Variants in DEAF1 observed in about 807,000 individuals in gnomAD.
The protein encoded by DEAF1 is DEAF1 transcription factor, also known as deformed epidermal autoregulatory factor 1 homolog.
A neutral mutation model predicts 58.9 loss-of-function variants in DEAF1; 53 were observed. The observed-to-expected ratio is 0.90, with a 90% CI of 0.72 to 1.13. DEAF1 has a LOEUF of 1.13. Ranked by LOEUF, DEAF1 falls within the 50% of genes most tolerant of loss-of-function variation. DEAF1 has a pLI of 0.00. For missense variants in DEAF1, 685 were observed against 791.4 expected (o/e 0.87, Z 1.61); for synonymous variants, 385 against 340.4 (o/e 1.13, Z -1.44).
At chr11:659,537 AGGAGCCTCGAT>A (rs1260557292) in intron 10 of DEAF1, among the ~76,000 whole-genome samples, 1 of 152,230 alleles carries the variant, frequency 6.6e-6, no homozygotes, top group East Asian at 1.9e-4. Context: ...TAATGCTGCC[AGGAGCCTCGAT>A]GGAGCCAACT....
At chr11:665,411 G>A (rs1859482505) in intron 10 of DEAF1, among the ~76,000 whole-genome samples, 1 of 152,202 alleles carries the variant, frequency 6.6e-6, no homozygotes, top group Non-Finnish European at 1.5e-5. Flanking sequence ...TTTAGAGAAA[G>A]GGAACACATC....
At chr11:660,485 C>A (rs1285315424) in intron 10 of DEAF1, among the ~76,000 whole-genome samples, 2 of 152,256 alleles carry the variant, frequency 1.3e-5, no homozygotes, top group African/African-American at 4.8e-5. Flanking sequence ...GTCCCGGGCA[C>A]CTGGCCGCCC....
At chr11:702,824 G>A in intron 1 of DEAF1, 3 of 963,076 alleles carry the variant, frequency 3.1e-6, no homozygotes, top group South Asian at 1.9e-5. Context: ...AATTCCCCAG[G>A]CCCCGGAGGA....
chr11:694,663 G>A (rs1861022178), intron 1 of DEAF1, 96 bp downstream of exon 1: 2 of 1,169,920 alleles, frequency 1.7e-6, no homozygotes, highest in Non-Finnish European at 2.2e-6. Flanking sequence ...AGGGACAGGT[G>A]TGGCGGGCTG....
At chr11:705,031 A>C in intron 1 of DEAF1, 1 of 239,778 alleles carries the variant, frequency 4.2e-6, no homozygotes, top group South Asian at 4.9e-5. Flanking sequence ...TAAACCAGGA[A>C]GCCAGGTCTT....
At chr11:672,773 G>A (rs1421023269) in intron 10 of DEAF1, among the ~76,000 whole-genome samples, 3 of 151,836 alleles carry the variant, frequency 2.0e-5, no homozygotes, top group Admixed American at 1.3e-4. Flanking sequence ...ACTTGAACCC[G>A]GGAGGAGGAA....
At chr11:659,813 GGA>G (rs1487817590) in intron 10 of DEAF1, among the ~76,000 whole-genome samples, 2 of 152,238 alleles carry the variant, frequency 1.3e-5, no homozygotes, top group African/African-American at 2.4e-5. Context: ...AGACAGAGCG[GGA>G]GAGGGGAGAG....
rs376503208 is a variant in DEAF1, at chr11:700,575, G to A, written c.-438+5997C>T. On this transcript the variant is annotated intron_variant, in intron 1 of 11. Transcript: ENST00000683307. ...AAGCTGAGGTGGCTGCTGCTGCTGT[G>A]CCAGGTTACTTATGTTCCGTCCGCG... 24 of 1,510,564 alleles carry A rather than the reference G, an allele frequency of 1.6e-5. No homozygotes were observed. In the African/African-American group the frequency reaches 3.2e-4, roughly 20 times the overall value. 93.6% of individuals were successfully genotyped at this position (1,510,564 alleles called of 1,614,324 possible). A position where few individuals can be genotyped will look rare whatever the true frequency, so the allele number is the denominator to read the frequency against.
chr11:695,477 C>G (rs1188718365), upstream of DEAF1: 3 of 689,098 alleles, frequency 4.4e-6, no homozygotes, highest in East Asian at 1.0e-4. Context: ...TAGGCAGATT[C>G]TCGCCGGCGG....
intron 1 of DEAF1, chr11:703,237 G>A: frequency 6.8e-7 from 1 of 1,470,718 alleles, no homozygotes; most frequent in Non-Finnish European, 9.1e-7. Flanking sequence ...TCCTGGACAG[G>A]AAGGGCACTT....
chr11:657,549 C>A lies in DEAF1; in HGVS notation c.1504-3498G>T, dbSNP rs367837229. ...CCAGATCCTCCCGTCTAGGAGAAGC[C>A]CCCCCACGGCCGTGGACTTGCTGCC... On this transcript the variant is annotated intron_variant, in intron 10 of 11. Coordinates refer to ENST00000382409, the MANE Select transcript of DEAF1 (RefSeq NM_021008.4). Among the ~76,000 whole-genome samples, 69 of 152,188 alleles carry A rather than the reference C, an allele frequency of 4.5e-4. No homozygotes were observed. The East Asian group carries it at 8.7e-3, about 19-fold the overall frequency.
chr11:648,070 T>G (rs1384235536), intron 11 of DEAF1, among the ~76,000 whole-genome samples: 1 of 150,310 alleles, frequency 6.7e-6, no homozygotes, highest in African/African-American at 2.5e-5. Flanking sequence ...AGCAGGTGGG[T>G]GGACTTGACC....
chr11:675,101 T>C lies in DEAF1; in HGVS notation c.1256-318A>G, dbSNP rs971945008. On this transcript the variant is annotated intron_variant, in intron 9 of 11. Coordinates refer to ENST00000382409, the MANE Select transcript of DEAF1 (RefSeq NM_021008.4). Reference sequence around the variant, plus strand: ...TCGGGAGGCTGAGGCAGGAGAAAGGTGTGAAGCCGGGAGGCAGAGCTTGCA... The same window carrying C: ...TCGGGAGGCTGAGGCAGGAGAAAGGCGTGAAGCCGGGAGGCAGAGCTTGCA... Among the ~76,000 whole-genome samples the C allele has an allele frequency of 3.9e-5, 6 of 152,038 alleles. No individual in the cohort carries two copies. The South Asian group carries it at 1.2e-3, about 32-fold the overall frequency.
intron 11 of DEAF1, among the ~76,000 whole-genome samples, chr11:645,829 G>A (rs894395298): frequency 5.3e-5 from 8 of 152,190 alleles, no homozygotes; most frequent in Non-Finnish European, 8.8e-5. Context: ...AGACGGCCTC[G>A]TCAGACAGAG....
chr11:667,792 A>G (rs1859621928), intron 10 of DEAF1, among the ~76,000 whole-genome samples: 1 of 151,122 alleles, frequency 6.6e-6, no homozygotes, highest in South Asian at 2.1e-4. Context: ...CTGGTGACAG[A>G]GTGAGACTTT....
intron 11 of DEAF1, among the ~76,000 whole-genome samples, chr11:648,147 T>C (rs1018497802): frequency 1.6e-4 from 25 of 151,950 alleles, no homozygotes; most frequent in African/African-American, 5.5e-4. Flanking sequence ...GTGTATACTT[T>C]TGTGTACATA....
chr11:662,942 C>G (rs1374352387), intron 10 of DEAF1, among the ~76,000 whole-genome samples: 1 of 152,230 alleles, frequency 6.6e-6, no homozygotes, highest in East Asian at 1.9e-4. Context: ...CCCCAGAGGG[C>G]ACGATGCCCA....
At chr11:685,082 C>CTTT (rs55670454) in intron 5 of DEAF1, 119 bp from the exon 6 acceptor site, 33,741 of 346,320 alleles carry the variant, frequency 0.097, 979 homozygotes, top group East Asian at 0.17. Flanking sequence ...TATAAAAATT[C>CTTT]TTTTTTTTTT....
intron 10 of DEAF1, among the ~76,000 whole-genome samples, chr11:656,158 C>CTT (rs1554936925): frequency 2.4e-5 from 3 of 124,278 alleles, no homozygotes; most frequent in African/African-American, 2.8e-5. Flanking sequence ...AAATGACAAA[C>CTT]TTTTTTTTTT....
Sources: gnomAD v4.1 joint callset for allele counts (sites outside exome capture counted in the v4.1 genomes callset) on GRCh38, gnomAD v4.1.1 for gene constraint, MANE v1.5 for transcripts, NCBI Gene and HGNC (gene_info 2026-07-23, HGNC 2026-07-21) for gene names.